Variants in ZCWPW2 observed in about 807,000 individuals in gnomAD.
ZCWPW2 encodes the protein zinc finger CW-type and PWWP domain containing 2.
Under a neutral mutation model 46.6 loss-of-function variants are expected in ZCWPW2, and 45 were observed. The ratio of observed to expected loss-of-function variants is 0.96; its 90% CI spans 0.76 to 1.24. ZCWPW2 has a LOEUF of 1.24. ZCWPW2 is among the 50% of genes most tolerant of loss of function. ZCWPW2 has a pLI of 0.00. For missense variants in ZCWPW2, 429 were observed against 403.9 expected (o/e 1.06, Z -0.53); for synonymous variants, 152 against 137.1 (o/e 1.11, Z -0.76).
chr3:28,466,593 G>A (rs1270355349), intron 4 of ZCWPW2, among the ~76,000 whole-genome samples: 3 of 152,134 alleles, frequency 2.0e-5, no homozygotes, highest in Non-Finnish European at 2.9e-5. Flanking sequence ...AAGGTCAGAA[G>A]TTCAAGACCT....
intron 1 of ZCWPW2, among the ~76,000 whole-genome samples, chr3:28,363,395 T>A (rs1705011534): frequency 6.6e-6 from 1 of 152,194 alleles, no homozygotes. Flanking sequence ...TTTCTTATAA[T>A]AGCACTGGGC....
chr3:28,486,805 G>T (rs148820178), intron 5 of ZCWPW2, among the ~76,000 whole-genome samples: 87 of 151,998 alleles, frequency 5.7e-4, no homozygotes, highest in African/African-American at 2.0e-3. Context: ...GGTCGAGGCT[G>T]CAGTGAGCCA....
rs115427167 is a variant in ZCWPW2 at position 28,435,357 on chromosome 3, G to T, written c.492+88G>T. The T allele has an allele frequency of 1.4e-3, 1,912 of 1,336,806 alleles. 23 individuals are homozygous for T. The African/African-American group carries it at 0.025, about 18-fold the overall frequency. The allele number at this position is 1,336,806 out of a possible 1,614,324, so 82.8% of individuals were successfully genotyped here. On this transcript the variant is annotated intron_variant, in intron 4 of 9. Coordinates refer to ENST00000383768, the MANE Select transcript of ZCWPW2 (RefSeq NM_001040432.4). ...ATCTTTGATCATAAAATATGTATAA[G>T]TTGCTTTTAGATTGATATAATGTAT...
rs148903545 is a variant in ZCWPW2 at position 28,440,047 on chromosome 3, T to G, written c.492+4778T>G. Among the ~76,000 whole-genome samples the G allele has an allele frequency of 2.9e-3, 435 of 152,322 alleles. 5 individuals carry two copies. The highest frequency in any genetic ancestry group is 9.7e-3 in the African/African-American group (405 of 41,574). On this transcript the variant is annotated intron_variant, in intron 4 of 9. Transcript: ENST00000383768. ...GAGGGGTCTGGGCTATTTGTAGTCC[T>G]GCCTGGATTGGGCTGTTGTAGTTTG...
chr3:28,470,051 C>CA (rs1330698580), intron 4 of ZCWPW2, among the ~76,000 whole-genome samples: 5 of 151,954 alleles, frequency 3.3e-5, no homozygotes, highest in African/African-American at 9.7e-5. Context: ...TTAAAACATT[C>CA]AAAAAAATTG....
At chr3:28,350,403 A>G (rs927479948) in intron 1 of ZCWPW2, among the ~76,000 whole-genome samples, 6 of 152,256 alleles carry the variant, frequency 3.9e-5, no homozygotes, top group Admixed American at 3.9e-4. Context: ...TAAAGATAAA[A>G]TGTCATAAAT....
Position 28,470,571 on chromosome 3 carries a change from C to T in ZCWPW2, c.493-8243C>T, listed in dbSNP as rs370429783. On this transcript the variant is annotated intron_variant, in intron 4 of 9. Coordinates refer to ENST00000383768, the MANE Select transcript of ZCWPW2 (RefSeq NM_001040432.4). Reference sequence around the variant, plus strand: ...ATAATGGAAACATGACATACCAAAACCTATGAGATACAGTAAACACAGTAC... The same window carrying T: ...ATAATGGAAACATGACATACCAAAATCTATGAGATACAGTAAACACAGTAC... Among the ~76,000 whole-genome samples the T allele has an allele frequency of 2.7e-5, 4 of 146,614 alleles. No individual in the cohort carries two copies. In the East Asian group the frequency reaches 8.0e-4, roughly 29 times the overall value.
intron 1 of ZCWPW2, among the ~76,000 whole-genome samples, chr3:28,378,811 T>C (rs1366236880): frequency 1.3e-5 from 2 of 152,164 alleles, no homozygotes; most frequent in Non-Finnish European, 2.9e-5. Context: ...GATAAAGCAA[T>C]TAATAAGATA....
rs979834938 is a variant in ZCWPW2 at position 28,420,747 on chromosome 3, A to G, written c.332+7347A>G. 2.6e-5 allele frequency among the ~76,000 whole-genome samples: 4 copies of G among 151,590 alleles called. No homozygotes were observed. The East Asian group carries it at 7.8e-4, about 30-fold the overall frequency. ...CCATAACAACTTTATATTAGACTCT[A>G]CTGTAATCTTTTCTTCTTGAGTACT... is the stretch of plus-strand genomic sequence containing the variant. On this transcript the variant is annotated intron_variant, in intron 3 of 9. Transcript: ENST00000383768.
chr3:28,439,149 A>G (rs890345702), intron 4 of ZCWPW2, among the ~76,000 whole-genome samples: 15 of 149,086 alleles, frequency 1.0e-4, no homozygotes, highest in East Asian at 5.9e-4. Context: ...GGATGTGTAT[A>G]TATATATATA....
intron 1 of ZCWPW2, among the ~76,000 whole-genome samples, chr3:28,369,358 T>C (rs563694206): frequency 6.6e-6 from 1 of 152,332 alleles, no homozygotes; most frequent in South Asian, 2.1e-4. Context: ...TTCTGTTTGT[T>C]AGTTTTCCTT....
At chr3:28,523,876 A>G (rs1431493033) in intron 9 of ZCWPW2, among the ~76,000 whole-genome samples, 1 of 152,148 alleles carries the variant, frequency 6.6e-6, no homozygotes, top group East Asian at 1.9e-4. Flanking sequence ...ATTTTTATAA[A>G]TCCACCTGAA....
chr3:28,460,311 G>A (rs867659857), intron 4 of ZCWPW2, among the ~76,000 whole-genome samples: 1 of 151,340 alleles, frequency 6.6e-6, no homozygotes. Context: ...TGAAGAGTGG[G>A]GTACATAAGT....
Position 28,521,059 on chromosome 3 carries a change from A to C in ZCWPW2, c.852A>C (p.Thr284=). ...EQMLQQALQP[T]ATPDESEEGH... ...TGCTGCAGCAAGCACTGCAACCCAC[A>C]GCCACACCTGATGAATCAGAAGAAG... The change falls in exon 9 of 10, where the codon ACA becomes ACC. Residue 284 remains threonine, a synonymous_variant. Transcript: ENST00000383768. The C allele has an allele frequency of 6.2e-7, 1 of 1,611,654 alleles. No homozygotes were observed.
intron 3 of ZCWPW2, among the ~76,000 whole-genome samples, chr3:28,423,425 GGTGCGATCTA>G (rs1372325962): frequency 2.1e-5 from 3 of 146,298 alleles, no homozygotes; most frequent in Non-Finnish European, 4.5e-5. Flanking sequence ...GGAGTGCAGT[GGTGCGATCTA>G]GGCTCACTGC....
intron 3 of ZCWPW2, among the ~76,000 whole-genome samples, chr3:28,424,845 C>T (rs1437637352): frequency 6.6e-6 from 1 of 151,968 alleles, no homozygotes; most frequent in African/African-American, 2.4e-5. Context: ...TTAGGAGGGA[C>T]ATCAAGAGGC....
intron 3 of ZCWPW2, among the ~76,000 whole-genome samples, chr3:28,421,763 T>C (rs904252814): frequency 1.3e-5 from 2 of 151,664 alleles, no homozygotes; most frequent in African/African-American, 2.4e-5. Context: ...ATGCAGATTT[T>C]TTGATAGAGG....
chr3:28,413,519 T>C, intron 3 of ZCWPW2, 119 bp downstream of exon 3: 2 of 895,108 alleles, frequency 2.2e-6, no homozygotes, highest in Non-Finnish European at 3.3e-6. Context: ...GATTTATCAT[T>C]GCTCTTTTCC....
Position 28,515,570 on chromosome 3 carries a change from T to C in ZCWPW2, c.733T>C (p.Cys245Arg), listed in dbSNP as rs2125834591. The change falls in exon 8 of 10, where the codon TGC becomes CGC. Residue 245 changes from cysteine (C) to arginine (R), a missense_variant. Physicochemically the swap from Cys to Arg is radical, Grantham distance 180. Coordinates refer to ENST00000383768, the MANE Select transcript of ZCWPW2 (RefSeq NM_001040432.4). ...RKRKRKAILK[C>R]SFENVYSDDA... ...TTTTTCTAGGAAAGCAATTTTAAAA[T>C]GCTCTTTTGAAAATGTTTATTCTGA... The C allele has an allele frequency of 6.2e-7, 1 of 1,609,480 alleles. No homozygotes were observed. Among genetic ancestry groups the C allele is most frequent in the Admixed American group, 1.7e-5 (1 of 59,674 alleles).
Sources: gnomAD v4.1 joint callset for allele counts (sites outside exome capture counted in the v4.1 genomes callset) on GRCh38, gnomAD v4.1.1 for gene constraint, MANE v1.5 for transcripts, NCBI Gene and HGNC (gene_info 2026-07-23, HGNC 2026-07-21) for gene names.